Variants in CSMD1 observed in about 807,000 individuals in gnomAD.
The protein encoded by CSMD1 is CUB and sushi domain-containing protein 1.
CSMD1 carries 213 observed loss-of-function variants against 417.5 expected under a neutral mutation model. That is an observed-to-expected ratio of 0.51 (90% CI 0.46 to 0.57). CSMD1 has a LOEUF of 0.57. Ranked by LOEUF, CSMD1 falls within the 20% of genes least tolerant of loss-of-function variation. The probability of loss-of-function intolerance (pLI) is 0.00; values close to 1 mark genes in which losing one functional copy is unlikely to be tolerated. For missense variants in CSMD1, 6,923 were observed against 4,529.7 expected, an observed-to-expected ratio of 1.53 and a Z score of -15.17; for synonymous variants, 2,862 against 1,736.8, an observed-to-expected ratio of 1.65 and a Z score of -16.11.
chr8:4,975,009 T>C (rs1248997027), intron 1 of CSMD1, among the ~76,000 whole-genome samples: 2 of 152,204 alleles, frequency 1.3e-5, no homozygotes, highest in Non-Finnish European at 2.9e-5. Flanking sequence ...GGATGTTTTT[T>C]TCTAGAGCTC....
chr8:3,299,854 CAG>C (rs1804255903), intron 25 of CSMD1, among the ~76,000 whole-genome samples: 1 of 152,144 alleles, frequency 6.6e-6, no homozygotes, highest in African/African-American at 2.4e-5. Flanking sequence ...TGTCCAGTTT[CAG>C]AGAGAATGTA....
intron 3 of CSMD1, among the ~76,000 whole-genome samples, chr8:4,240,726 T>G (rs1802349211): frequency 6.6e-6 from 1 of 152,164 alleles, no homozygotes; most frequent in South Asian, 2.1e-4. Context: ...TTGATGCCAA[T>G]GTTGCTCTTC....
intron 5 of CSMD1, among the ~76,000 whole-genome samples, chr8:3,757,092 T>A (rs1402668904): frequency 6.6e-6 from 1 of 152,172 alleles, no homozygotes; most frequent in African/African-American, 2.4e-5. Flanking sequence ...CGTGAACCAC[T>A]GTGCCAGCCT....
At position 3,028,049 on chromosome 8, in the gene CSMD1, T is replaced by C. The variant is rs559485585; in HGVS notation, c.7855+1270A>G. Among the ~76,000 whole-genome samples the C allele has an allele frequency of 2.6e-5, 4 of 152,276 alleles. No individual in the cohort carries two copies. In the South Asian group the frequency reaches 8.3e-4, roughly 32 times the overall value. Reference sequence around the variant, plus strand: ...TCTGGGAAGACAGGGACACCGTAGGTGGGCATCCCTGGGAAATCAGAGAGA... The same window carrying C: ...TCTGGGAAGACAGGGACACCGTAGGCGGGCATCCCTGGGAAATCAGAGAGA... On this transcript the variant is annotated intron_variant, in intron 51 of 69. Transcript: ENST00000635120.
intron 12 of CSMD1, among the ~76,000 whole-genome samples, chr8:3,455,566 C>G (rs1190754236): frequency 6.6e-6 from 1 of 152,198 alleles, no homozygotes; most frequent in Non-Finnish European, 1.5e-5. Context: ...TTGGAATTTG[C>G]TGGAGGTCCA....
chr8:3,286,090 C>G (rs1460102748), intron 25 of CSMD1, among the ~76,000 whole-genome samples: 1 of 151,972 alleles, frequency 6.6e-6, no homozygotes, highest in Non-Finnish European at 1.5e-5. Flanking sequence ...GGTTTTTTGT[C>G]CTTGAGATAG....
intron 2 of CSMD1, among the ~76,000 whole-genome samples, chr8:4,467,141 GA>G (rs1013117931): frequency 1.2e-3 from 148 of 119,340 alleles, no homozygotes; most frequent in Middle Eastern, 8.7e-3. Context: ...AAAAAAAAAA[GA>G]AAAAAAAAGA....
chr8:4,379,203 A>C (rs954939720), intron 3 of CSMD1, among the ~76,000 whole-genome samples: 8 of 152,218 alleles, frequency 5.3e-5, no homozygotes, highest in African/African-American at 1.4e-4. Context: ...CCCCAAGTTC[A>C]TAAATTCAAC....
intron 3 of CSMD1, among the ~76,000 whole-genome samples, chr8:4,198,017 G>A (rs574295596): frequency 9.1e-4 from 139 of 152,174 alleles, no homozygotes; most frequent in Non-Finnish European, 1.9e-3. Flanking sequence ...TTAAGAGTTG[G>A]GGGCACAGAC....
At chr8:3,707,296 A>C (rs905173955) in intron 7 of CSMD1, among the ~76,000 whole-genome samples, 9 of 132,482 alleles carry the variant, frequency 6.8e-5, no homozygotes, top group African/African-American at 2.4e-4. Flanking sequence ...TCTAGCATGC[A>C]GATGTAAACA....
intron 1 of CSMD1, among the ~76,000 whole-genome samples, chr8:4,881,309 A>AT (rs1362625556): frequency 3.9e-5 from 6 of 152,032 alleles, no homozygotes; most frequent in Non-Finnish European, 8.8e-5. Flanking sequence ...GTGACAATGC[A>AT]TTTTTTTATT....
In CSMD1 at chr8:3,820,700, T is replaced by C. The variant is rs7840521; in HGVS notation, c.819-66658A>G. Among the ~76,000 whole-genome samples, 169 of 152,266 alleles carry C rather than the reference T, an allele frequency of 1.1e-3. 1 individual carries two copies. Among genetic ancestry groups the C allele is most frequent in the African/African-American group, 3.8e-3 (160 of 41,574 alleles). Reference sequence around the variant, plus strand: ...GAGCTATTCTCTTGCCTTAGCCTCCTGAGTAGCTGGGACTACAGGCATGCG... The same window carrying C: ...GAGCTATTCTCTTGCCTTAGCCTCCCGAGTAGCTGGGACTACAGGCATGCG... On this transcript the variant is annotated intron_variant, in intron 5 of 69. Coordinates refer to ENST00000635120, the MANE Select transcript of CSMD1 (RefSeq NM_033225.6).
intron 49 of CSMD1, among the ~76,000 whole-genome samples, chr8:3,084,778 C>G (rs368351876): frequency 1.3e-5 from 2 of 151,998 alleles, no homozygotes; most frequent in South Asian, 4.2e-4. Context: ...TGGCCTTTAT[C>G]CAGATAATCA....
intron 2 of CSMD1, among the ~76,000 whole-genome samples, chr8:4,442,667 C>T (rs762242852): frequency 6.6e-6 from 1 of 152,156 alleles, no homozygotes; most frequent in African/African-American, 2.4e-5. Flanking sequence ...ACTTCATTGA[C>T]TTTCCCTTAT....
At chr8:4,040,812 G>T (rs1040511972) in intron 3 of CSMD1, among the ~76,000 whole-genome samples, 2 of 152,070 alleles carry the variant, frequency 1.3e-5, no homozygotes, top group African/African-American at 4.8e-5. Flanking sequence ...ATTTTTAATA[G>T]CACGTGAAAG....
chr8:4,388,556 A>C (rs1161707591), intron 3 of CSMD1, among the ~76,000 whole-genome samples: 1 of 136,470 alleles, frequency 7.3e-6, no homozygotes, highest in African/African-American at 2.7e-5. Context: ...CTGAGGGGGA[A>C]GGGTGGGGGG....
intron 7 of CSMD1, among the ~76,000 whole-genome samples, chr8:3,634,688 A>G (rs955653822): frequency 1.3e-5 from 2 of 150,942 alleles, no homozygotes; most frequent in Non-Finnish European, 2.9e-5. Context: ...AAATGAAATG[A>G]AAGGTGTGAT....
intron 2 of CSMD1, among the ~76,000 whole-genome samples, chr8:4,535,873 G>A (rs1013130732): frequency 1.3e-5 from 2 of 152,160 alleles, no homozygotes; most frequent in African/African-American, 4.8e-5. Context: ...TAGGGTTACT[G>A]AGCTTTTACT....
chr8:4,988,436 T>G (rs561403500), intron 1 of CSMD1, among the ~76,000 whole-genome samples: 1 of 152,330 alleles, frequency 6.6e-6, no homozygotes, highest in African/African-American at 2.4e-5. Flanking sequence ...ACGTAAGTTA[T>G]TTTTAACAAA....
Sources: gnomAD v4.1 joint callset for allele counts (sites outside exome capture counted in the v4.1 genomes callset) on GRCh38, gnomAD v4.1.1 for gene constraint, MANE v1.5 for transcripts, NCBI Gene and HGNC (gene_info 2026-07-23, HGNC 2026-07-21) for gene names.